Variants in NPAS3 observed in about 807,000 individuals in gnomAD.
The protein encoded by NPAS3 is neuronal PAS domain protein 3, also known as neuronal PAS domain-containing protein 3.
Under a neutral mutation model 73.1 loss-of-function variants are expected in NPAS3, and 14 were observed. The ratio of observed to expected loss-of-function variants is 0.19; its 90% CI spans 0.13 to 0.30. The LOEUF is 0.30. NPAS3 is among the 10% of genes least tolerant of loss of function. The pLI is 1.00. For synonymous variants in NPAS3, 620 were observed against 541.5 expected (o/e 1.14, Z -2.01); for missense variants, 1,096 against 1,250.0 (o/e 0.88, Z 1.86).
intron 1 of NPAS3, among the ~76,000 whole-genome samples, chr14:32,966,756 G>A (rs1453938901): frequency 3.4e-5 from 2 of 58,158 alleles, no homozygotes; most frequent in Admixed American, 3.7e-4. Flanking sequence ...CGGCCTGGGC[G>A]ACAGAGCGAG....
chr14:33,684,371 G>C (rs771529695), intron 6 of NPAS3, among the ~76,000 whole-genome samples: 1 of 151,920 alleles, frequency 6.6e-6, no homozygotes, highest in Non-Finnish European at 1.5e-5. Context: ...GAGTGCAGTG[G>C]CACAATCTCG....
At chr14:33,223,603 A>G (rs935337410) in intron 3 of NPAS3, among the ~76,000 whole-genome samples, 2 of 152,154 alleles carry the variant, frequency 1.3e-5, no homozygotes, top group African/African-American at 4.8e-5. Context: ...GTCTAATCCA[A>G]AGTCCCAATT....
At chr14:32,936,020 A>G (rs1014135276), upstream of NPAS3, among the ~76,000 whole-genome samples, 3 of 152,282 alleles carry the variant, frequency 2.0e-5, no homozygotes, top group African/African-American at 7.2e-5. Context: ...AGATTTGCCA[A>G]TGGCATTTAA....
intron 3 of NPAS3, among the ~76,000 whole-genome samples, chr14:33,263,546 G>T (rs2049054502): frequency 6.6e-6 from 1 of 152,132 alleles, no homozygotes; most frequent in Admixed American, 6.5e-5. Context: ...TTTGAAGTCA[G>T]GTAGCGTGAT....
At chr14:33,774,904 T>A (rs2062765166) in intron 8 of NPAS3, among the ~76,000 whole-genome samples, 1 of 152,152 alleles carries the variant, frequency 6.6e-6, no homozygotes, top group African/African-American at 2.4e-5. Flanking sequence ...CCTGGCCTCA[T>A]GGTGGTCAGT....
chr14:33,260,337 C>G (rs2048929109), intron 3 of NPAS3, among the ~76,000 whole-genome samples: 1 of 150,984 alleles, frequency 6.6e-6, no homozygotes, highest in Admixed American at 6.6e-5. Flanking sequence ...ACTTTTTCTT[C>G]TTTGTTTTCC....
Position 33,800,756 on chromosome 14 carries a change from A to C in NPAS3, c.2449A>C (p.Ser817Arg), listed in dbSNP as rs536055493. ...GGTGACCGGGACCCTGGCCGCCACC[A>C]GCACGGCCGCGCAGAGGGTCTACAC... The change falls in exon 12 of 12, where the codon AGC becomes CGC. Residue 817 changes from serine (S) to arginine (R), a missense_variant. By Grantham distance (110) the Ser-to-Arg change is moderately radical. Transcript: ENST00000356141. The surrounding 1 kb of genome is among the most constrained non-coding windows in gnomAD (Gnocchi z 6.5). 1 of 1,566,952 alleles carries C rather than the reference A, an allele frequency of 6.4e-7. No individual in the cohort carries two copies. The highest frequency in any genetic ancestry group is 1.2e-5 in the South Asian group (1 of 85,572).
chr14:33,031,818 T>G (rs546518416), intron 1 of NPAS3, among the ~76,000 whole-genome samples: 1 of 152,380 alleles, frequency 6.6e-6, no homozygotes, highest in East Asian at 1.9e-4. Context: ...ATGTGTTTTG[T>G]GAACATCTAT....
At chr14:33,172,988 TAATCA>T (rs890046364) in intron 2 of NPAS3, among the ~76,000 whole-genome samples, 2 of 152,226 alleles carry the variant, frequency 1.3e-5, no homozygotes, top group African/African-American at 4.8e-5. Context: ...CATATTGTTC[TAATCA>T]ATATGAGAAG....
At chr14:33,524,419 C>A (rs2053699469) in intron 4 of NPAS3, among the ~76,000 whole-genome samples, 1 of 152,152 alleles carries the variant, frequency 6.6e-6, no homozygotes, top group Admixed American at 6.5e-5. Context: ...ATATTCACAA[C>A]AACCTAATAA....
Position 33,254,808 on chromosome 14 carries a change from C to T in NPAS3, c.385+39382C>T, listed in dbSNP as rs531830727. ...AGGAATTATCAAATATGAAATGACT[C>T]GTAACTTGGTTGAAGTTCTTAAATG... On this transcript the variant is annotated intron_variant, in intron 3 of 11. Coordinates refer to ENST00000356141, the Ensembl canonical transcript of NPAS3. Among the ~76,000 whole-genome samples, 12 of 152,206 alleles carry T rather than the reference C, an allele frequency of 7.9e-5. 1 individual carries two copies. The South Asian group carries it at 2.1e-3, about 26-fold the overall frequency.
intron 2 of NPAS3, among the ~76,000 whole-genome samples, chr14:33,187,068 A>G (rs2046002412): frequency 6.6e-6 from 1 of 152,028 alleles, no homozygotes. Context: ...TTACCACAAC[A>G]CCCTTTGAAC....
intron 5 of NPAS3, among the ~76,000 whole-genome samples, chr14:33,570,793 C>G (rs943581596): frequency 6.6e-6 from 1 of 152,174 alleles, no homozygotes; most frequent in Non-Finnish European, 1.5e-5. Flanking sequence ...CTTTCATTAT[C>G]ACTTAGAACA....
chr14:33,121,694 A>T (rs2043236364), intron 2 of NPAS3, among the ~76,000 whole-genome samples: 1 of 152,178 alleles, frequency 6.6e-6, no homozygotes, highest in Admixed American at 6.5e-5. Flanking sequence ...ATCATGTCAG[A>T]TATCCTGGAA....
At chr14:33,709,272 G>A (rs1230999110) in intron 6 of NPAS3, among the ~76,000 whole-genome samples, 1 of 152,204 alleles carries the variant, frequency 6.6e-6, no homozygotes, top group Non-Finnish European at 1.5e-5. Flanking sequence ...GGTTGTTCAT[G>A]AATAGGAGGT....
At chr14:33,124,627 G>C (rs1175529273) in intron 2 of NPAS3, among the ~76,000 whole-genome samples, 1 of 152,104 alleles carries the variant, frequency 6.6e-6, no homozygotes, top group Non-Finnish European at 1.5e-5. Flanking sequence ...ACATGAGATT[G>C]ATACATGTAT....
At chr14:33,780,686 A>T in intron 9 of NPAS3, 1 of 445,946 alleles carries the variant, frequency 2.2e-6, no homozygotes, top group Non-Finnish European at 4.5e-6. Flanking sequence ...ATTTCTCCCC[A>T]TTAAGCAAAG....
At position 33,134,323 on chromosome 14, in the gene NPAS3, G is replaced by A. The variant is rs960409951; in HGVS notation, c.140+78329G>A. The stretch of plus-strand genomic sequence containing the variant: ...AATGCAGTTGCTACTGCTTCCATTC[G>A]CATTTCCCTTGATCTCAGCATGGCT... On this transcript the variant is annotated intron_variant, in intron 2 of 11. Coordinates refer to ENST00000356141, the Ensembl canonical transcript of NPAS3. Among the ~76,000 whole-genome samples, 7 of 151,774 alleles carry A rather than the reference G, an allele frequency of 4.6e-5. No individual in the cohort carries two copies. In the South Asian group the frequency reaches 8.3e-4, roughly 18 times the overall value.
At chr14:33,109,422 T>A (rs1269484192) in intron 2 of NPAS3, among the ~76,000 whole-genome samples, 1 of 152,178 alleles carries the variant, frequency 6.6e-6, no homozygotes, top group Non-Finnish European at 1.5e-5. Flanking sequence ...CTAGCAGATA[T>A]TCTCTAAAAT....
Sources: allele counts gnomAD v4.1 joint callset (sites outside exome capture counted in the v4.1 genomes callset), GRCh38; gene constraint gnomAD v4.1.1; non-coding constraint Gnocchi (gnomAD v3.1); transcripts MANE v1.5; gene names NCBI Gene and HGNC (gene_info 2026-07-23, HGNC 2026-07-21).